Variants in ANO10 observed in about 807,000 individuals in gnomAD.
The protein encoded by ANO10 is anoctamin 10, also known as anoctamin-10.
In ANO10, 77 loss-of-function variants were observed where a neutral mutation model predicts 74.7. That is an observed-to-expected ratio of 1.03 (90% CI 0.86 to 1.25). ANO10 has a LOEUF of 1.25. ANO10 is among the 50% of genes most tolerant of loss of function. ANO10 has a pLI of 0.00. For missense variants in ANO10, 721 were observed against 778.1 expected, an observed-to-expected ratio of 0.93 and a Z score of 0.87; for synonymous variants, 279 against 284.9, an observed-to-expected ratio of 0.98 and a Z score of 0.21.
rs2078124398 is a variant in ANO10 at position 43,524,952 on chromosome 3, ACC to A, written c.1797+24766_1797+24767del. 1.2e-4 allele frequency among the ~76,000 whole-genome samples: 18 copies of A among 152,270 alleles called. No homozygotes were observed. The South Asian group carries it at 3.7e-3, about 32-fold the overall frequency. ...ATCCTTCCCTAGAACCACTGCAGTT[ACC>A]ACCTAACTCACTGACTCTTCCAACC... On this transcript the variant is annotated intron_variant, in intron 11 of 12. Transcript: ENST00000292246.
chr3:43,688,547 T>C (rs985746935), intron 1 of ANO10, among the ~76,000 whole-genome samples: 10 of 152,146 alleles, frequency 6.6e-5, no homozygotes, highest in African/African-American at 2.4e-4. Flanking sequence ...TCTTACATTG[T>C]TATAAAGAAA....
At chr3:43,562,370 T>A (rs1241341338) in intron 8 of ANO10, among the ~76,000 whole-genome samples, 2 of 146,238 alleles carry the variant, frequency 1.4e-5, no homozygotes, top group Non-Finnish European at 3.0e-5. Context: ...GAGAATGGCG[T>A]GAACCCAGGA....
chr3:43,545,265 C>T (rs1001638205), intron 11 of ANO10, among the ~76,000 whole-genome samples: 7 of 152,050 alleles, frequency 4.6e-5, no homozygotes, highest in East Asian at 1.9e-4. Flanking sequence ...TCTATTTTAA[C>T]GTTAATTTTA....
At chr3:43,466,247 G>A (rs764203056) in intron 11 of ANO10, among the ~76,000 whole-genome samples, 5 of 151,148 alleles carry the variant, frequency 3.3e-5, no homozygotes, top group South Asian at 2.1e-4. Flanking sequence ...GGTGCGTGCC[G>A]GTAGTTCCAG....
At chr3:43,668,390 CTGAT>C (rs1234647592) in intron 1 of ANO10, among the ~76,000 whole-genome samples, 1 of 151,770 alleles carries the variant, frequency 6.6e-6, no homozygotes, top group Non-Finnish European at 1.5e-5. Flanking sequence ...GTTTGTTCTG[CTGAT>C]TATTTCTTTT....
intron 4 of ANO10, among the ~76,000 whole-genome samples, chr3:43,597,031 C>T (rs1174514555): frequency 3.9e-5 from 6 of 152,156 alleles, no homozygotes; most frequent in Admixed American, 2.6e-4. Flanking sequence ...CATCACTGGC[C>T]ATCAGAGAAA....
intron 1 of ANO10, chr3:43,691,105 GGCCC>G: frequency 6.9e-7 from 1 of 1,442,092 alleles, no homozygotes. Context: ...GCCGGGTTAG[GGCCC>G]AGCGGGCAGC....
At chr3:43,452,323 CCT>C (rs2074914958) in intron 11 of ANO10, among the ~76,000 whole-genome samples, 1 of 152,176 alleles carries the variant, frequency 6.6e-6, no homozygotes, top group South Asian at 2.1e-4. Context: ...AGCCTATGCC[CCT>C]TAATGGTCAT....
chr3:43,416,921 T>G (rs1373768486), intron 12 of ANO10, among the ~76,000 whole-genome samples: 1 of 152,222 alleles, frequency 6.6e-6, no homozygotes, highest in Admixed American at 6.5e-5. Context: ...AATCGCCTCA[T>G]TAACTTATTT....
At chr3:43,497,879 A>G (rs1235211052) in intron 11 of ANO10, among the ~76,000 whole-genome samples, 1 of 152,216 alleles carries the variant, frequency 6.6e-6, no homozygotes, top group Non-Finnish European at 1.5e-5. Flanking sequence ...ATATGAAAGG[A>G]AAAGCCAGTA....
At chr3:43,427,861 T>C (rs986957333) in intron 12 of ANO10, among the ~76,000 whole-genome samples, 2 of 152,218 alleles carry the variant, frequency 1.3e-5, no homozygotes, top group African/African-American at 4.8e-5. Flanking sequence ...GGTAACCTTT[T>C]GTACCTTATA....
chr3:43,618,645 T>C (rs935450849), intron 1 of ANO10, among the ~76,000 whole-genome samples: 8 of 152,186 alleles, frequency 5.3e-5, no homozygotes, highest in Admixed American at 3.3e-4. Context: ...AGTCAGCATC[T>C]GGCACTCTGT....
chr3:43,468,474 T>C (rs1028712773), intron 11 of ANO10, among the ~76,000 whole-genome samples: 2 of 152,242 alleles, frequency 1.3e-5, no homozygotes, highest in Non-Finnish European at 2.9e-5. Context: ...ATGCCTGGTA[T>C]GTGTGCACAT....
chr3:43,663,623 T>C (rs2083952566), intron 1 of ANO10, among the ~76,000 whole-genome samples: 1 of 152,186 alleles, frequency 6.6e-6, no homozygotes, highest in Non-Finnish European at 1.5e-5. Context: ...GATGACATAA[T>C]GGTATGCTCA....
In ANO10 at chr3:43,605,875, T is replaced by G; in HGVS notation, c.-11-12A>C. On this transcript the variant is annotated splice_polypyrimidine_tract_variant and intron_variant, in intron 1 of 12. Transcript: ENST00000292246. ...CATCTTTGACAAATCTGCGGAAAAT[T>G]AAAATAAAGAGTGAAAATGGGTTGT... is the stretch of plus-strand genomic sequence containing the variant. 1 of 1,612,208 alleles carries G rather than the reference T, an allele frequency of 6.2e-7. No homozygotes were observed. The highest frequency in any genetic ancestry group is 8.5e-7 in the Non-Finnish European group (1 of 1,179,230).
chr3:43,565,613 T>A (rs756056863), intron 8 of ANO10, 40 bp downstream of exon 8: 16 of 1,478,668 alleles, frequency 1.1e-5, no homozygotes, highest in Non-Finnish European at 1.4e-5. Flanking sequence ...ACCACCTCTA[T>A]GACCTAAAAA....
intron 11 of ANO10, among the ~76,000 whole-genome samples, chr3:43,521,331 A>C (rs1329949012): frequency 6.6e-6 from 1 of 152,186 alleles, no homozygotes; most frequent in East Asian, 1.9e-4. Flanking sequence ...ACAAGGCATA[A>C]ATTTTAAAAT....
intron 12 of ANO10, among the ~76,000 whole-genome samples, chr3:43,376,136 C>T (rs2091798322): frequency 6.6e-6 from 1 of 152,164 alleles, no homozygotes; most frequent in Non-Finnish European, 1.5e-5. Flanking sequence ...GAACCAGAAA[C>T]CTCGATCCGC....
chr3:43,393,998 C>T (rs1288725313), intron 12 of ANO10, among the ~76,000 whole-genome samples: 1 of 152,106 alleles, frequency 6.6e-6, no homozygotes, highest in Non-Finnish European at 1.5e-5. Context: ...AATGAACACC[C>T]CTGGGGGTGG....
Sources: gnomAD v4.1 joint callset for allele counts (sites outside exome capture counted in the v4.1 genomes callset) on GRCh38, gnomAD v4.1.1 for gene constraint, MANE v1.5 for transcripts, NCBI Gene and HGNC (gene_info 2026-07-23, HGNC 2026-07-21) for gene names.